The following PTPN14 variants were observed in gnomAD, a reference collection of about 807,000 sequenced individuals.
PTPN14 encodes the protein protein tyrosine phosphatase non-receptor type 14.
A neutral mutation model predicts 126.8 loss-of-function variants in PTPN14; 53 were observed. That is an observed-to-expected ratio of 0.42 (90% CI 0.34 to 0.53). The LOEUF (loss-of-function observed/expected upper bound fraction) is 0.53, where lower values mean the gene tolerates loss of function less well. Among genes scored for constraint, PTPN14 ranks in the 20% least tolerant of loss-of-function variants. PTPN14 has a pLI of 0.08. For missense variants in PTPN14, 1,257 were observed against 1,552.9 expected, an observed-to-expected ratio of 0.81 and a Z score of 3.20; for synonymous variants, 630 against 599.3, an observed-to-expected ratio of 1.05 and a Z score of -0.75.
At chr1:214,488,432 G>T (rs945223206) in intron 1 of PTPN14, among the ~76,000 whole-genome samples, 2 of 152,076 alleles carry the variant, frequency 1.3e-5, no homozygotes, top group Admixed American at 6.5e-5. Flanking sequence ...ACAACTCTCT[G>T]TACAGGCACA....
Position 214,364,618 on chromosome 1 carries a change from G to A in PTPN14, c.3329C>T (p.Thr1110Ile), listed in dbSNP as rs1401546369. The change falls in exon 18 of 19, where the codon ACC becomes ATC. Residue 1110 changes from threonine (T) to isoleucine (I), a missense_variant. Transcript: ENST00000366956. The surrounding 1 kb of genome is among the most constrained non-coding windows in gnomAD (Gnocchi z 4.1). Reference sequence around the variant, plus strand: ...CACGATGGGCGGGTGCCGGTTCTTGGTGCCTTCCAGCATGCTGTTGGTATG... The same window carrying A: ...CACGATGGGCGGGTGCCGGTTCTTGATGCCTTCCAGCATGCTGTTGGTATG... The part of the protein sequence containing the change: ...RRHTNSMLEG[T>I]KNRHPPIVVH... The A allele has an allele frequency of 5.6e-6, 9 of 1,614,082 alleles. No individual in the cohort carries two copies. The highest frequency in any genetic ancestry group is 7.6e-6 in the Non-Finnish European group (9 of 1,180,030).
intron 1 of PTPN14, among the ~76,000 whole-genome samples, chr1:214,472,614 C>G (rs1660783584): frequency 6.6e-6 from 1 of 152,202 alleles, no homozygotes; most frequent in Admixed American, 6.5e-5. Context: ...ACCTCAGTGA[C>G]TCTTCAAATC....
chr1:214,384,070 C>T lies in PTPN14; in HGVS notation c.1785G>A (p.Pro595=), dbSNP rs766987506. ...HRHKYVSGSS[P]DLVTRKVQLS... ...GCTGCACCTTCCGGGTCACCAGGTCCGGGCTGCTGCCGCTGACGTACTTGT... is the reference window on the plus strand; with the variant it reads ...GCTGCACCTTCCGGGTCACCAGGTCTGGGCTGCTGCCGCTGACGTACTTGT... Residue 595 remains proline, a synonymous_variant, in exon 13 of 19, where the codon CCG becomes CCA. Transcript: ENST00000366956. This position sits in a 1 kb window ranked among gnomAD's most constrained non-coding sequence, Gnocchi z 5.3. 19 of 1,578,510 alleles carry T rather than the reference C, an allele frequency of 1.2e-5. No individual in the cohort carries two copies. The highest frequency in any genetic ancestry group is 8.6e-5 in the Admixed American group (5 of 58,144).
At position 214,383,932 on chromosome 1, in the gene PTPN14, G is replaced by T. The variant is rs769036790; in HGVS notation, c.1923C>A (p.His641Gln). The change falls in exon 13 of 19, where the codon CAC becomes CAA. Residue 641 changes from histidine (H) to glutamine (Q), a missense_variant. His to Gln is a conservative substitution (Grantham distance 24). This residue lies in a region of PTPN14 where 1,021 missense variants were observed against 1,183.3 expected (regional missense o/e 0.86). Coordinates refer to ENST00000366956, the MANE Select transcript of PTPN14 (RefSeq NM_005401.5). The surrounding 1 kb of genome is among the most constrained non-coding windows in gnomAD (Gnocchi z 4.4). Reference protein sequence around the residue: ...TKHHGTVNKRHSLEVMNSMVR... With the variant: ...TKHHGTVNKRQSLEVMNSMVR... ...CCATGCTGTTCATCACCTCCAGGCT[G>T]TGGCGCTTGTTCACAGTGCCGTGGT... 1.9e-6 allele frequency: 3 copies of T among 1,613,218 alleles called. No homozygotes were observed. In the African/African-American group the frequency reaches 4.0e-5, roughly 22 times the overall value.
At position 214,467,316 on chromosome 1, in the gene PTPN14, A is replaced by C. The variant is rs1021884839; in HGVS notation, c.-154-2359T>G. Among the ~76,000 whole-genome samples the C allele has an allele frequency of 3.1e-4, 47 of 152,226 alleles. 2 individuals carry two copies. Among genetic ancestry groups the C allele is most frequent in the Non-Finnish European group, 2.9e-4 (20 of 68,038 alleles). On this transcript the variant is annotated intron_variant, in intron 1 of 18. Coordinates refer to ENST00000366956, the MANE Select transcript of PTPN14 (RefSeq NM_005401.5). ...AAGATTCAATTCCTGCATTAACCAG[A>C]GAGCCTCAAACAGAGAAAAATATTT... is the stretch of plus-strand genomic sequence containing the variant.
chr1:214,523,126 A>G (rs1272671268), intron 1 of PTPN14, among the ~76,000 whole-genome samples: 1 of 152,212 alleles, frequency 6.6e-6, no homozygotes, highest in Non-Finnish European at 1.5e-5. Context: ...TTGTCACAAT[A>G]TAGGATCTAC....
At chr1:214,506,869 G>T (rs1040756808) in intron 1 of PTPN14, among the ~76,000 whole-genome samples, 4 of 149,320 alleles carry the variant, frequency 2.7e-5, no homozygotes, top group Admixed American at 2.0e-4. Flanking sequence ...TCGGTGGCAT[G>T]TGCAGCATAA....
chr1:214,429,464 T>C (rs1360451689), intron 3 of PTPN14, among the ~76,000 whole-genome samples: 1 of 152,220 alleles, frequency 6.6e-6, no homozygotes, highest in African/African-American at 2.4e-5. Flanking sequence ...TAATTCTTAA[T>C]TTGAACTCTG....
intron 2 of PTPN14, among the ~76,000 whole-genome samples, chr1:214,457,232 G>A (rs1004414321): frequency 6.6e-6 from 1 of 152,150 alleles, no homozygotes; most frequent in East Asian, 1.9e-4. Flanking sequence ...ACAGCTTTTA[G>A]TAAAGATCAA....
intron 1 of PTPN14, among the ~76,000 whole-genome samples, chr1:214,514,911 G>A (rs569202223): frequency 5.3e-5 from 8 of 152,166 alleles, no homozygotes; most frequent in Non-Finnish European, 1.0e-4. Context: ...TGGAGGCATC[G>A]GTACAAGTCA....
At chr1:214,463,774 C>T (rs907117747) in intron 2 of PTPN14, among the ~76,000 whole-genome samples, 2 of 152,148 alleles carry the variant, frequency 1.3e-5, no homozygotes, top group Non-Finnish European at 2.9e-5. Context: ...TTTTCCTTGC[C>T]CTCAGGAATG....
At chr1:214,521,566 T>C (rs958273379) in intron 1 of PTPN14, among the ~76,000 whole-genome samples, 1 of 151,836 alleles carries the variant, frequency 6.6e-6, no homozygotes, top group Non-Finnish European at 1.5e-5. Context: ...ATACAAAAAA[T>C]TAGGTGGGCG....
chr1:214,457,493 T>C (rs1660409197), intron 2 of PTPN14, among the ~76,000 whole-genome samples: 1 of 152,202 alleles, frequency 6.6e-6, no homozygotes, highest in Non-Finnish European at 1.5e-5. Context: ...GCCTTTGTTA[T>C]ATCATTTATC....
rs371695572 is a variant in PTPN14, at chr1:214,489,991, C to A, written c.-154-25034G>T. Among the ~76,000 whole-genome samples, 7 of 152,306 alleles carry A rather than the reference C, an allele frequency of 4.6e-5. No homozygotes were observed. In the East Asian group the frequency reaches 1.4e-3, roughly 29 times the overall value. The stretch of plus-strand genomic sequence containing the variant: ...TTGCAGCTTAGCTCGGTAAGTGACA[C>A]ATATGTTAATAAATGTTAGTTACTA... On this transcript the variant is annotated intron_variant, in intron 1 of 18. Coordinates refer to ENST00000366956, the MANE Select transcript of PTPN14 (RefSeq NM_005401.5).
chr1:214,431,633 G>A (rs778054484), intron 3 of PTPN14, among the ~76,000 whole-genome samples: 3 of 152,172 alleles, frequency 2.0e-5, no homozygotes, highest in Admixed American at 6.5e-5. Flanking sequence ...GGAAAGGTAC[G>A]GCACATAGTG....
At chr1:214,380,283 T>C (rs978366258) in intron 13 of PTPN14, among the ~76,000 whole-genome samples, 5 of 152,334 alleles carry the variant, frequency 3.3e-5, no homozygotes, top group African/African-American at 1.2e-4. Context: ...CACTGTAAGG[T>C]GACCCTAACT....
At chr1:214,424,184 T>C (rs1394477684) in intron 3 of PTPN14, among the ~76,000 whole-genome samples, 2 of 151,030 alleles carry the variant, frequency 1.3e-5, no homozygotes, top group African/African-American at 4.9e-5. Flanking sequence ...TAATCCCAGC[T>C]ACTCAGGAGG....
intron 1 of PTPN14, among the ~76,000 whole-genome samples, chr1:214,476,801 T>C (rs1215751275): frequency 6.6e-6 from 1 of 152,126 alleles, no homozygotes; most frequent in Non-Finnish European, 1.5e-5. Flanking sequence ...CCCCACCACC[T>C]AGAGTTGTTG....
chr1:214,537,443 A>G (rs563821403), intron 1 of PTPN14, among the ~76,000 whole-genome samples: 1 of 152,344 alleles, frequency 6.6e-6, no homozygotes, highest in Non-Finnish European at 1.5e-5. Context: ...ATAGTAAACC[A>G]GTATTTATTT....
Sources: allele counts gnomAD v4.1 joint callset (sites outside exome capture counted in the v4.1 genomes callset), GRCh38; gene constraint gnomAD v4.1.1; regional missense constraint gnomAD v4.1.1; non-coding constraint Gnocchi (gnomAD v3.1); transcripts MANE v1.5; gene names NCBI Gene and HGNC (gene_info 2026-07-23, HGNC 2026-07-21).